MED15: variants seen among roughly 807,000 people sequenced by gnomAD.
MED15 encodes mediator complex subunit 15.
In MED15, 41 loss-of-function variants were observed where a neutral mutation model predicts 118.7. The ratio of observed to expected loss-of-function variants is 0.35; its 90% confidence interval spans 0.27 to 0.45. The LOEUF is 0.45. Among genes scored for constraint, MED15 ranks in the 20% least tolerant of loss-of-function variants. The probability of loss-of-function intolerance (pLI) is 1.00; values close to 1 mark genes in which losing one functional copy is unlikely to be tolerated. For synonymous variants in MED15, 436 were observed against 413.9 expected (o/e 1.05, Z -0.65); for missense variants, 740 against 1,025.5 (o/e 0.72, Z 3.80).
intron 4 of MED15, 88 bp downstream of exon 4, chr22:20,553,262 G>A: frequency 1.5e-6 from 2 of 1,363,690 alleles, no homozygotes; most frequent in Non-Finnish European, 2.1e-6. Flanking sequence ...CATGTGCCTG[G>A]GTTAACCTGT....
chr22:20,567,168 G>C (rs77616353), intron 7 of MED15, among the ~76,000 whole-genome samples: 1 of 152,174 alleles, frequency 6.6e-6, no homozygotes, highest in Non-Finnish European at 1.5e-5. Flanking sequence ...TGCCAGCTCC[G>C]TCAGTGTCTG....
intron 1 of MED15, among the ~76,000 whole-genome samples, chr22:20,512,758 AT>A (rs953182874): frequency 1.4e-3 from 196 of 138,808 alleles, no homozygotes; most frequent in Non-Finnish European, 1.3e-3. Context: ...CGCCCAGCTA[AT>A]TTTTTTTTTT....
At chr22:20,544,532 T>C (rs975747974) in intron 2 of MED15, among the ~76,000 whole-genome samples, 5 of 152,098 alleles carry the variant, frequency 3.3e-5, no homozygotes, top group African/African-American at 9.7e-5. Context: ...CCAGGCGTGG[T>C]GGCGGGCGCC....
chr22:20,523,360 A>T (rs960323869), intron 1 of MED15, among the ~76,000 whole-genome samples: 62 of 149,002 alleles, frequency 4.2e-4, no homozygotes, highest in African/African-American at 1.4e-3. Context: ...TTTTTTTTTA[A>T]AAAAAAAGTT....
rs541320856 is a variant in MED15, at chr22:20,512,112, C to T, written c.68+4366C>T. Among the ~76,000 whole-genome samples, 7 of 150,072 alleles carry T rather than the reference C, an allele frequency of 4.7e-5. No individual in the cohort carries two copies. In the South Asian group the frequency reaches 1.5e-3, roughly 31 times the overall value. ...CAAACGATCCTCCCACTGTAGCCTT[C>T]TGAGTAGCTGGGACTACAGGCACAC... is the stretch of plus-strand genomic sequence containing the variant. On this transcript the variant is annotated intron_variant, in intron 1 of 17. Coordinates refer to ENST00000263205, the MANE Select transcript of MED15 (RefSeq NM_001003891.3).
chr22:20,568,994 C>T (rs1311108324), intron 8 of MED15, among the ~76,000 whole-genome samples: 1 of 152,124 alleles, frequency 6.6e-6, no homozygotes, highest in Non-Finnish European at 1.5e-5. Flanking sequence ...GAGTACAGAG[C>T]TGACCAGGGT....
At chr22:20,515,870 G>T (rs2146347853) in intron 1 of MED15, among the ~76,000 whole-genome samples, 1 of 152,156 alleles carries the variant, frequency 6.6e-6, no homozygotes, top group Admixed American at 6.5e-5. Context: ...AGGCATAGTG[G>T]TGCACACCTG....
At chr22:20,524,525 C>A (rs1254422753) in intron 1 of MED15, among the ~76,000 whole-genome samples, 1 of 152,178 alleles carries the variant, frequency 6.6e-6, no homozygotes, top group East Asian at 1.9e-4. Context: ...TTGCCTGTGC[C>A]GTTGGCCTCA....
intron 1 of MED15, among the ~76,000 whole-genome samples, chr22:20,514,658 A>C (rs903293631): frequency 1.3e-5 from 2 of 152,214 alleles, no homozygotes; most frequent in African/African-American, 2.4e-5. Flanking sequence ...CACCTCTTCT[A>C]GTGAAGCCTC....
intron 13 of MED15, chr22:20,584,050 T>G: frequency 2.5e-6 from 1 of 405,844 alleles, no homozygotes; most frequent in Non-Finnish European, 4.5e-6. Flanking sequence ...GGTTGATCCT[T>G]TGTTAGGGTT....
chr22:20,551,375 G>C, intron 2 of MED15, 61 bp from the exon 3 acceptor site: 3 of 1,477,944 alleles, frequency 2.0e-6, no homozygotes, highest in Non-Finnish European at 2.8e-6. Context: ...GGCGGGAAGG[G>C]GGAGTCCGAT....
chr22:20,572,357 G>A (rs1187752174), intron 8 of MED15, among the ~76,000 whole-genome samples: 1 of 152,218 alleles, frequency 6.6e-6, no homozygotes, highest in Non-Finnish European at 1.5e-5. Context: ...TGAAATTCTG[G>A]GATTGGGGGC....
chr22:20,542,945 T>C (rs56167190), intron 2 of MED15, among the ~76,000 whole-genome samples: 5,001 of 152,232 alleles, frequency 0.033, 283 homozygotes, highest in African/African-American at 0.11. Context: ...ATTTGGAAGA[T>C]ATGCCACACC....
At chr22:20,508,058 A>G (rs2053932615) in intron 1 of MED15, 3 of 1,357,750 alleles carry the variant, frequency 2.2e-6, no homozygotes, top group Non-Finnish European at 2.9e-6. Context: ...AACCACACTG[A>G]ATAGGGAAAG....
In MED15 at chr22:20,586,733, C is replaced by G. The variant is rs766956195; in HGVS notation, c.*29C>G. ...AGACTGCAGGGATGGCCCGCAGCCTCATCGGGGCCAAGGACACACGCCTCC... is the reference window on the plus strand; with the variant it reads ...AGACTGCAGGGATGGCCCGCAGCCTGATCGGGGCCAAGGACACACGCCTCC... On this transcript the variant is annotated 3_prime_UTR_variant, in exon 18 of 18. Transcript: ENST00000263205. 1 of 1,609,788 alleles carries G rather than the reference C, an allele frequency of 6.2e-7. No homozygotes were observed. Among genetic ancestry groups the G allele is most frequent in the Non-Finnish European group, 8.5e-7 (1 of 1,179,278 alleles).
chr22:20,542,878 G>T (rs1468024600), intron 2 of MED15, among the ~76,000 whole-genome samples: 3 of 152,236 alleles, frequency 2.0e-5, no homozygotes, highest in African/African-American at 7.2e-5. Context: ...CCTCACTTCT[G>T]TGAGATGATT....
At chr22:20,524,613 T>TTTTTG (rs199594432) in intron 1 of MED15, among the ~76,000 whole-genome samples, 4,510 of 152,144 alleles carry the variant, frequency 0.03, 234 homozygotes, top group African/African-American at 0.1. Context: ...TGGCAGGTTT[T>TTTTTG]TTTTGTTTTG....
At chr22:20,585,304 C>T (rs1282573285) in intron 16 of MED15, 37 bp downstream of exon 16, 1 of 1,602,490 alleles carries the variant, frequency 6.2e-7, no homozygotes. Context: ...TGTGGGAAAG[C>T]AGGCCCTGAC....
At chr22:20,572,908 G>C (rs968033998) in intron 8 of MED15, among the ~76,000 whole-genome samples, 12 of 152,034 alleles carry the variant, frequency 7.9e-5, no homozygotes, top group Admixed American at 2.6e-4. Flanking sequence ...CTGGGAGACA[G>C]AGCAAAACTC....
Sources: gnomAD v4.1 joint callset for allele counts (sites outside exome capture counted in the v4.1 genomes callset) on GRCh38, gnomAD v4.1.1 for gene constraint, MANE v1.5 for transcripts, NCBI Gene and HGNC (gene_info 2026-07-23, HGNC 2026-07-21) for gene names.